The following SPAG16 variants were observed in gnomAD, a reference collection of about 807,000 sequenced individuals.
SPAG16 encodes the protein sperm associated antigen 16.
A neutral mutation model predicts 80.4 loss-of-function variants in SPAG16; 86 were observed. The observed-to-expected ratio is 1.07, with a 90% CI of 0.90 to 1.28. SPAG16 has a LOEUF of 1.28. Ranked by LOEUF, SPAG16 falls within the 50% of genes most tolerant of loss-of-function variation. The pLI is 0.00. For missense variants in SPAG16, 870 were observed against 765.3 expected, an observed-to-expected ratio of 1.14 and a Z score of -1.61; for synonymous variants, 294 against 265.9, an observed-to-expected ratio of 1.11 and a Z score of -1.03.
chr2:213,634,051 C>T (rs1271969858), intron 10 of SPAG16, among the ~76,000 whole-genome samples: 1 of 152,056 alleles, frequency 6.6e-6, no homozygotes, highest in Admixed American at 6.6e-5. Context: ...TAAGGAATTA[C>T]TTCTGCCATT....
chr2:213,339,545 G>C (rs2064563244), intron 5 of SPAG16, among the ~76,000 whole-genome samples: 2 of 152,170 alleles, frequency 1.3e-5, no homozygotes, highest in Admixed American at 1.3e-4. Flanking sequence ...CCAGAGGTTT[G>C]CAGAAGATAT....
chr2:214,409,241 G>A (rs569916730), intron 15 of SPAG16, among the ~76,000 whole-genome samples: 2 of 151,908 alleles, frequency 1.3e-5, no homozygotes, highest in African/African-American at 2.4e-5. Flanking sequence ...AATTTTAAAT[G>A]TTATTACTGA....
chr2:213,361,181 A>C (rs1209242175), intron 7 of SPAG16, among the ~76,000 whole-genome samples: 1 of 152,082 alleles, frequency 6.6e-6, no homozygotes, highest in Non-Finnish European at 1.5e-5. Flanking sequence ...TTTAAAATGT[A>C]ATGAAAAACC....
At chr2:214,102,549 C>G (rs572656902) in intron 13 of SPAG16, among the ~76,000 whole-genome samples, 1 of 152,104 alleles carries the variant, frequency 6.6e-6, no homozygotes, top group African/African-American at 2.4e-5. Flanking sequence ...TAGAGGCCTT[C>G]TGCGTATAGC....
chr2:213,490,027 C>G lies in SPAG16; in HGVS notation c.1007C>G (p.Ser336Cys), dbSNP rs1230144539. Residue 336 changes from serine (S) to cysteine (C), a missense_variant, in exon 10 of 16, where the codon TCT becomes TGT. By Grantham distance (112) the Ser-to-Cys change is moderately radical. Transcript: ENST00000331683. Reference sequence around the variant, plus strand: ...CTGAATGTTTCTAAAGAAAGTCTTTCTCCAGCAAAATTTGACTACAAGCTG... The same window carrying G: ...CTGAATGTTTCTAAAGAAAGTCTTTGTCCAGCAAAATTTGACTACAAGCTG... Reference protein sequence around the residue: ...PNLNVSKESLSPAKFDYKLKN... With the variant: ...PNLNVSKESLCPAKFDYKLKN... 1.9e-6 allele frequency: 3 copies of G among 1,610,472 alleles called. No homozygotes were observed. Among genetic ancestry groups the G allele is most frequent in the Non-Finnish European group, 8.5e-7 (1 of 1,178,380 alleles).
chr2:213,720,742 C>CTTT (rs564036456), intron 10 of SPAG16, among the ~76,000 whole-genome samples: 3 of 78,936 alleles, frequency 3.8e-5, no homozygotes, highest in African/African-American at 1.4e-4. Context: ...GAAGTAAGTC[C>CTTT]TTTTTTTTTT....
chr2:213,289,082 G>A (rs951396456), intron 1 of SPAG16, among the ~76,000 whole-genome samples: 2 of 152,186 alleles, frequency 1.3e-5, no homozygotes, highest in African/African-American at 4.8e-5. Flanking sequence ...CACCTGGGGA[G>A]CTTTAAATAA....
chr2:214,327,412 A>C (rs2126004793), intron 15 of SPAG16, among the ~76,000 whole-genome samples: 1 of 152,292 alleles, frequency 6.6e-6, no homozygotes, highest in South Asian at 2.1e-4. Context: ...TAAAAATTAT[A>C]ATTCTTTTGG....
At chr2:213,749,472 G>A (rs2067985216) in intron 10 of SPAG16, among the ~76,000 whole-genome samples, 1 of 152,142 alleles carries the variant, frequency 6.6e-6, no homozygotes, top group African/African-American at 2.4e-5. Context: ...TTGTAAGGGT[G>A]ACGTGACAAG....
chr2:213,895,574 A>G (rs879338077), intron 11 of SPAG16, among the ~76,000 whole-genome samples: 6 of 152,188 alleles, frequency 3.9e-5, no homozygotes, highest in Admixed American at 3.3e-4. Context: ...AAACCAATGG[A>G]ACAGAATAGA....
At chr2:213,368,782 G>A (rs942592681) in intron 8 of SPAG16, among the ~76,000 whole-genome samples, 3 of 152,120 alleles carry the variant, frequency 2.0e-5, no homozygotes, top group Admixed American at 2.0e-4. Flanking sequence ...CACAAACAGA[G>A]AGCCAAATCA....
At chr2:214,265,453 T>G (rs1395883492) in intron 15 of SPAG16, among the ~76,000 whole-genome samples, 1 of 152,074 alleles carries the variant, frequency 6.6e-6, no homozygotes, top group Non-Finnish European at 1.5e-5. Flanking sequence ...AATTGAGTTA[T>G]TTATTTTCTT....
intron 15 of SPAG16, among the ~76,000 whole-genome samples, chr2:214,224,660 G>T (rs2058659879): frequency 6.6e-6 from 1 of 152,048 alleles, no homozygotes; most frequent in Admixed American, 6.6e-5. Context: ...GATAAAAAAT[G>T]GTATTAACCT....
chr2:213,698,507 C>T (rs1204730422), intron 10 of SPAG16, among the ~76,000 whole-genome samples: 1 of 152,164 alleles, frequency 6.6e-6, no homozygotes, highest in Non-Finnish European at 1.5e-5. Flanking sequence ...AGCAATCCGC[C>T]TTCCTCAGCC....
chr2:213,809,043 G>C (rs1262691619), intron 10 of SPAG16, among the ~76,000 whole-genome samples: 1 of 152,202 alleles, frequency 6.6e-6, no homozygotes, highest in African/African-American at 2.4e-5. Flanking sequence ...TCATTCTACA[G>C]TGCAGCATGC....
intron 15 of SPAG16, among the ~76,000 whole-genome samples, chr2:214,173,781 A>G (rs535794903): frequency 3.9e-5 from 6 of 152,100 alleles, no homozygotes; most frequent in South Asian, 2.1e-4. Flanking sequence ...AAAAAAGAGA[A>G]TTTTAGACCA....
intron 5 of SPAG16, among the ~76,000 whole-genome samples, chr2:213,330,503 C>T (rs2064046949): frequency 6.6e-6 from 1 of 152,172 alleles, no homozygotes; most frequent in Non-Finnish European, 1.5e-5. Context: ...CCAATTTCTC[C>T]CATTTGGAAT....
intron 15 of SPAG16, among the ~76,000 whole-genome samples, chr2:214,347,889 A>G (rs1698160997): frequency 6.6e-6 from 1 of 152,190 alleles, no homozygotes; most frequent in Non-Finnish European, 1.5e-5. Context: ...TCTCCATGGA[A>G]AAATTAGGAC....
intron 4 of SPAG16, among the ~76,000 whole-genome samples, chr2:213,315,806 G>A (rs952408927): frequency 2.6e-5 from 4 of 151,688 alleles, no homozygotes; most frequent in African/African-American, 9.7e-5. Context: ...TTCCTTTTTA[G>A]AACACTTTCT....
Sources: allele counts gnomAD v4.1 joint callset (sites outside exome capture counted in the v4.1 genomes callset), GRCh38; gene constraint gnomAD v4.1.1; transcripts MANE v1.5; gene names NCBI Gene and HGNC (gene_info 2026-07-23, HGNC 2026-07-21).